C12orf42: variants seen among roughly 807,000 people sequenced by gnomAD.
The protein encoded by C12orf42 is chromosome 12 open reading frame 42, also known as uncharacterized protein C12orf42.
In C12orf42, 25 loss-of-function variants were observed where a neutral mutation model predicts 21.6. The ratio of observed to expected loss-of-function variants is 1.16; its 90% CI spans 0.84 to 1.62. The LOEUF (loss-of-function observed/expected upper bound fraction) is 1.62, where lower values mean the gene tolerates loss of function less well. Among genes scored for constraint, C12orf42 ranks in the 40% most tolerant of loss-of-function variants. The pLI, the probability that C12orf42 is intolerant of heterozygous loss-of-function variation, is 0.00. For missense variants in C12orf42, 483 were observed against 459.3 expected (o/e 1.05, Z -0.47); for synonymous variants, 174 against 175.0 (o/e 0.99, Z 0.05).
the C12orf42 span, chr12:103,548,545 CTT>C: frequency 6.6e-6 from 1 of 152,146 alleles, no homozygotes; most frequent in Non-Finnish European, 1.5e-5. Context: ...CATCCACTCT[CTT>C]TAATTATGAA....
the C12orf42 span, among the ~76,000 whole-genome samples, chr12:103,541,066 G>C: frequency 6.6e-6 from 1 of 151,994 alleles, no homozygotes; most frequent in Non-Finnish European, 1.5e-5. Context: ...ACTATGCCTG[G>C]CTAATTTTTT....
chr12:103,455,668 T>C (rs1952239207), intron 2 of C12orf42, among the ~76,000 whole-genome samples: 1 of 152,158 alleles, frequency 6.6e-6, no homozygotes, highest in African/African-American at 2.4e-5. Context: ...AATAAACTGA[T>C]GCATCTTTTT....
the C12orf42 span, among the ~76,000 whole-genome samples, chr12:103,069,756 T>G: frequency 6.6e-6 from 1 of 152,202 alleles, no homozygotes; most frequent in South Asian, 2.1e-4. Flanking sequence ...TTAATTATAT[T>G]TCTTGGCATA....
Position 103,400,114 on chromosome 12 carries a change from G to A in C12orf42, c.147+1493C>T, listed in dbSNP as rs78491064. Among the ~76,000 whole-genome samples, 560 of 152,234 alleles carry A rather than the reference G, an allele frequency of 3.7e-3. 6 individuals carry two copies. Among genetic ancestry groups the A allele is most frequent in the African/African-American group, 0.013 (524 of 41,538 alleles). On this transcript the variant is annotated intron_variant, in intron 3 of 5. Coordinates refer to ENST00000548883, the MANE Select transcript of C12orf42 (RefSeq NM_198521.5). ...AAAGCCACAAAAACACAGAGAGGAA[G>A]AGAGAGAGAAGAAAGAGAGAGGAAG... is the stretch of plus-strand genomic sequence containing the variant.
At chr12:103,368,649 G>A (rs2044861188) in intron 4 of C12orf42, among the ~76,000 whole-genome samples, 1 of 151,984 alleles carries the variant, frequency 6.6e-6, no homozygotes, top group Non-Finnish European at 1.5e-5. Context: ...AAGACAACGG[G>A]GAAATTAATA....
the C12orf42 span, among the ~76,000 whole-genome samples, chr12:103,225,227 C>A: frequency 6.6e-6 from 1 of 152,114 alleles, no homozygotes; most frequent in Non-Finnish European, 1.5e-5. Context: ...CTGGGTTGGG[C>A]ACCACAGGGT....
chr12:103,116,595 A>G, the C12orf42 span, among the ~76,000 whole-genome samples: 2 of 151,820 alleles, frequency 1.3e-5, no homozygotes, highest in African/African-American at 2.4e-5. Flanking sequence ...TTGTGTACTC[A>G]CCCTGTGCCA....
chr12:103,444,253 G>T (rs1001600384), intron 2 of C12orf42, among the ~76,000 whole-genome samples: 4 of 151,942 alleles, frequency 2.6e-5, no homozygotes, highest in African/African-American at 9.7e-5. Flanking sequence ...TACATGTAAA[G>T]GTCTACATTT....
the C12orf42 span, among the ~76,000 whole-genome samples, chr12:103,528,316 A>G: frequency 6.6e-6 from 1 of 152,238 alleles, no homozygotes; most frequent in African/African-American, 2.4e-5. Context: ...ATAGCTTACA[A>G]GTAGTACTTG....
At chr12:103,319,363 G>T (rs61429003) in intron 4 of C12orf42, among the ~76,000 whole-genome samples, 1 of 152,036 alleles carries the variant, frequency 6.6e-6, no homozygotes, top group African/African-American at 2.4e-5. Flanking sequence ...GAGTCACACA[G>T]GGAGTCAGAA....
At chr12:103,516,279 T>C in the C12orf42 span, among the ~76,000 whole-genome samples, 1 of 152,254 alleles carries the variant, frequency 6.6e-6, no homozygotes, top group Non-Finnish European at 1.5e-5. Context: ...TTTGTTTCTA[T>C]AAAAATTAGT....
chr12:103,403,581 C>T (rs904754420), intron 2 of C12orf42, among the ~76,000 whole-genome samples: 11 of 152,242 alleles, frequency 7.2e-5, no homozygotes, highest in African/African-American at 2.4e-4. Context: ...TTCTGCCCAT[C>T]GTCCTCTGTT....
chr12:103,136,634 T>G, the C12orf42 span, among the ~76,000 whole-genome samples: 43,057 of 152,050 alleles, frequency 0.28, 6,788 homozygotes, highest in East Asian at 0.48. Context: ...CTTCAATATA[T>G]TACAAGCTAT....
At chr12:103,068,829 G>C in the C12orf42 span, among the ~76,000 whole-genome samples, 5 of 148,178 alleles carry the variant, frequency 3.4e-5, no homozygotes, top group African/African-American at 5.0e-5. Flanking sequence ...CCTATTATGG[G>C]ACCTTGTGAT....
At chr12:103,411,108 A>C (rs1011059005) in intron 2 of C12orf42, among the ~76,000 whole-genome samples, 1 of 152,202 alleles carries the variant, frequency 6.6e-6, no homozygotes, top group Non-Finnish European at 1.5e-5. Flanking sequence ...AGTTGTTTCC[A>C]TCCTCCCTTG....
downstream of C12orf42, among the ~76,000 whole-genome samples, chr12:103,300,240 C>T (rs2037557773): frequency 6.6e-6 from 1 of 152,046 alleles, no homozygotes; most frequent in Non-Finnish European, 1.5e-5. Flanking sequence ...AATAAGGTTG[C>T]TAGACATTGG....
chr12:103,257,269 T>A (rs2034660884), intron 10 of C12orf42, among the ~76,000 whole-genome samples: 1 of 152,220 alleles, frequency 6.6e-6, no homozygotes, highest in Admixed American at 6.5e-5. Context: ...AATACCTGGG[T>A]AATGAAATAA....
the C12orf42 span, among the ~76,000 whole-genome samples, chr12:103,101,044 A>G: frequency 2.0e-5 from 3 of 152,148 alleles, no homozygotes; most frequent in Admixed American, 6.5e-5. Flanking sequence ...TTGTTGGGTA[A>G]TCTTGAGCAT....
intron 2 of C12orf42, among the ~76,000 whole-genome samples, chr12:103,453,141 C>G (rs947149086): frequency 6.6e-6 from 1 of 151,686 alleles, no homozygotes; most frequent in African/African-American, 2.4e-5. Context: ...ATAACTCTCC[C>G]ATAAAAGAAG....
Sources: gnomAD v4.1 joint callset for allele counts (sites outside exome capture counted in the v4.1 genomes callset) on GRCh38, gnomAD v4.1.1 for gene constraint, MANE v1.5 for transcripts, NCBI Gene and HGNC (gene_info 2026-07-23, HGNC 2026-07-21) for gene names.